Variants in LY9 observed in about 807,000 individuals in gnomAD.
LY9 encodes T-lymphocyte surface antigen Ly-9.
A neutral mutation model predicts 64.6 loss-of-function variants in LY9; 59 were observed. That is an observed-to-expected ratio of 0.91 (90% CI 0.74 to 1.13). The LOEUF is 1.13. Ranked by LOEUF, LY9 falls within the 50% of genes most tolerant of loss-of-function variation. LY9 has a pLI of 0.00. For synonymous variants in LY9, 281 were observed against 308.5 expected (o/e 0.91, Z 0.93); for missense variants, 789 against 797.2 (o/e 0.99, Z 0.12).
At chr1:160,807,977 C>T (rs1011234624) in intron 2 of LY9, among the ~76,000 whole-genome samples, 2 of 152,144 alleles carry the variant, frequency 1.3e-5, no homozygotes, top group Non-Finnish European at 2.9e-5. Context: ...AGGCAGAGTG[C>T]TCAGGTGAGG....
chr1:160,816,779 G>A lies in LY9; in HGVS notation c.1258G>A (p.Glu420Lys), dbSNP rs1282267102. Residue 420 changes from glutamate (E) to lysine (K), a missense_variant, in exon 5 of 10, where the codon GAA becomes AAA. By Grantham distance (56) the Glu-to-Lys change is moderately conservative (BLOSUM62 1). Coordinates refer to ENST00000263285, the MANE Select transcript of LY9 (RefSeq NM_002348.4). ...CCTCAATGTCTCATGGAGAAGCAGT[G>A]AAAATCACCCCAACCTCACATGCAC... ...SHLNVSWRSS[E>K]NHPNLTCTAS... is the part of the protein sequence containing the mutation. 1.2e-6 allele frequency: 2 copies of A among 1,614,096 alleles called. No homozygotes were observed. The highest frequency in any genetic ancestry group is 1.3e-5 in the African/African-American group (1 of 74,940).
rs761355054 is a variant in LY9 at position 160,823,684 on chromosome 1, A to T, written c.1718A>T (p.His573Leu). 1.2e-6 allele frequency: 2 copies of T among 1,614,028 alleles called. No individual in the cohort carries two copies. The highest frequency in any genetic ancestry group is 3.3e-5 in the Admixed American group (2 of 60,024). Residue 573 changes from histidine (H) to leucine (L), a missense_variant, in exon 8 of 10, where the codon CAT (histidine) becomes CTT (leucine). By Grantham distance (99) the His-to-Leu change is moderately conservative. Transcript: ENST00000263285. The stretch of plus-strand genomic sequence containing the variant: ...CAGGTCACTCAGGAGGGCGCTGGAC[A>T]TGACCCAGCCCCTGAGGGCCAAGCA... ...FDQVTQEGAG[H>L]DPAPEGQADY...
At chr1:160,804,756 A>G (rs2101757777) in intron 2 of LY9, among the ~76,000 whole-genome samples, 1 of 151,984 alleles carries the variant, frequency 6.6e-6, no homozygotes. Flanking sequence ...TTACAGATTA[A>G]TTTCACTACT....
At chr1:160,797,048 A>G in intron 1 of LY9, 1 of 931,764 alleles carries the variant, frequency 1.1e-6, no homozygotes, top group South Asian at 4.9e-5. Context: ...TTAGGTGACC[A>G]TGGGCAAGGT....
Position 160,816,666 on chromosome 1 carries a change from C to T in LY9, c.1145C>T (p.Thr382Ile). Reference protein sequence around the residue: ...SEDGICRISLTCSVEDGGNTV... With the variant: ...SEDGICRISLICSVEDGGNTV... ...GATGGCATCTGCAGGATCAGCCTGA[C>T]CTGCTCCGTGGAGGACGGGGGAAAC... The change falls in exon 5 of 10, where the codon ACC becomes ATC. Residue 382 changes from threonine to isoleucine, a missense_variant. Physicochemically the swap from Thr to Ile is moderately conservative, Grantham distance 89 (BLOSUM62 -1). Transcript: ENST00000263285. 1 of 1,614,138 alleles carries T rather than the reference C, an allele frequency of 6.2e-7. No individual in the cohort carries two copies. The highest frequency in any genetic ancestry group is 8.5e-7 in the Non-Finnish European group (1 of 1,180,010).
At chr1:160,802,089 G>T in intron 2 of LY9, 1 of 1,382,918 alleles carries the variant, frequency 7.2e-7, no homozygotes, top group Non-Finnish European at 9.3e-7. Flanking sequence ...GCCTCCCATG[G>T]CACGTCGGGA....
At chr1:160,808,611 C>T (rs1667202082) in intron 2 of LY9, among the ~76,000 whole-genome samples, 1 of 152,172 alleles carries the variant, frequency 6.6e-6, no homozygotes, top group Non-Finnish European at 1.5e-5. Flanking sequence ...GGAAATCACT[C>T]CCAGCTCCCA....
chr1:160,814,301 G>C lies in LY9; in HGVS notation c.731-119G>C. 3 of 760,756 alleles carry C rather than the reference G, an allele frequency of 3.9e-6. No homozygotes were observed. The South Asian group carries it at 5.2e-5, about 13-fold the overall frequency. 47.1% of individuals were successfully genotyped at this position (760,756 alleles called of 1,614,324 possible). ...GCAGGCATGCCCCTCAGAGGAGGAG[G>C]CCAGGAGAAAGAGGAAGAGGAGGAG... On this transcript the variant is annotated intron_variant, in intron 3 of 9. Coordinates refer to ENST00000263285, the MANE Select transcript of LY9 (RefSeq NM_002348.4).
Position 160,813,694 on chromosome 1 carries a change from C to T in LY9, c.513C>T (p.Ser171=), listed in dbSNP as rs1394494917. Residue 171 remains serine, a synonymous_variant, in exon 3 of 10, where the codon TCC becomes TCT. Coordinates refer to ENST00000263285, the MANE Select transcript of LY9 (RefSeq NM_002348.4). ...MKSVKVSENF[S]CNITLMCSVK... The stretch of plus-strand genomic sequence containing the variant: ...CTGTGAAGGTGTCTGAGAACTTCTC[C>T]TGTAACATCACTCTAATGTGCTCCG... 5 of 1,611,470 alleles carry T rather than the reference C, an allele frequency of 3.1e-6. No homozygotes were observed. The South Asian group carries it at 5.5e-5, about 18-fold the overall frequency.
At position 160,813,413 on chromosome 1, in the gene LY9, G is replaced by A. The variant is rs187370505; in HGVS notation, c.455-223G>A. On this transcript the variant is annotated intron_variant, in intron 2 of 9. Coordinates refer to ENST00000263285, the MANE Select transcript of LY9 (RefSeq NM_002348.4). ...GGTCGGGGAGAGAGAGAAGTAATCAGACTATTAGTCATGCTGAGTCATGGT... is the reference window on the plus strand; with the variant it reads ...GGTCGGGGAGAGAGAGAAGTAATCAAACTATTAGTCATGCTGAGTCATGGT... 846 of 583,658 alleles carry A rather than the reference G, an allele frequency of 1.4e-3. 6 individuals are homozygous for A. The highest frequency in any genetic ancestry group is 7.1e-4 in the Non-Finnish European group (233 of 328,422). 36.2% of individuals were successfully genotyped at this position (583,658 alleles called of 1,614,324 possible). A position where few individuals can be genotyped will look rare whatever the true frequency, so the allele number is the denominator to read the frequency against.
rs367647330 is a variant in LY9, at chr1:160,819,651, C to T, written c.1498+277C>T. Among the ~76,000 whole-genome samples the T allele has an allele frequency of 3.3e-4, 50 of 151,572 alleles. 1 individual carries two copies. The East Asian group carries it at 9.5e-3, about 29-fold the overall frequency. ...CTAAAAATAGAAAAAATTATCTGGGCATGGTGGTGCACGCCTGTAATCCCA... is the reference window on the plus strand; with the variant it reads ...CTAAAAATAGAAAAAATTATCTGGGTATGGTGGTGCACGCCTGTAATCCCA... On this transcript the variant is annotated intron_variant, in intron 7 of 9. Transcript: ENST00000263285.
chr1:160,807,351 G>T (rs552001614), intron 2 of LY9, among the ~76,000 whole-genome samples: 2 of 152,302 alleles, frequency 1.3e-5, no homozygotes, highest in East Asian at 3.9e-4. Flanking sequence ...TGGTATCTGT[G>T]ATTTCCTCAG....
chr1:160,820,658 C>T (rs1166428653), intron 7 of LY9, among the ~76,000 whole-genome samples: 1 of 152,058 alleles, frequency 6.6e-6, no homozygotes, highest in East Asian at 1.9e-4. Flanking sequence ...CCTGAACCCT[C>T]CTTCCTTGGG....
At position 160,797,288 on chromosome 1, in the gene LY9, A is replaced by G. The variant is rs1472035322; in HGVS notation, c.124+977A>G. On this transcript the variant is annotated intron_variant, in intron 1 of 9. Transcript: ENST00000263285. ...GATGATGGTGCAGGTAGCACTAGAG[A>G]TCTGAGAGCAGTGGGGGTTGGCAGT... 3.0e-6 allele frequency: 3 copies of G among 985,292 alleles called. No individual in the cohort carries two copies. In the African/African-American group the frequency reaches 5.2e-5, roughly 17 times the overall value. The allele number at this position is 985,292 out of a possible 1,614,324, so 61.0% of individuals were successfully genotyped here.
At chr1:160,820,150 G>A (rs1668299561) in intron 7 of LY9, among the ~76,000 whole-genome samples, 1 of 152,112 alleles carries the variant, frequency 6.6e-6, no homozygotes, top group Non-Finnish European at 1.5e-5. Flanking sequence ...GAGAAACAAA[G>A]GCCAGATGGA....
At chr1:160,797,785 G>T (rs905680853) in intron 1 of LY9, among the ~76,000 whole-genome samples, 3 of 152,058 alleles carry the variant, frequency 2.0e-5, no homozygotes, top group African/African-American at 7.3e-5. Flanking sequence ...TTAGTGATGA[G>T]GGCCTCTATT....
chr1:160,801,921 C>T (rs1477421823), intron 2 of LY9: 2 of 1,611,776 alleles, frequency 1.2e-6, no homozygotes, highest in East Asian at 2.2e-5. Flanking sequence ...GGGCTAGGCC[C>T]TCGCCCCCAC....
intron 7 of LY9, among the ~76,000 whole-genome samples, chr1:160,822,120 T>TTTGTCC (rs973744975): frequency 1.3e-5 from 2 of 151,970 alleles, no homozygotes; most frequent in Non-Finnish European, 2.9e-5. Flanking sequence ...AAACTCAGGG[T>TTTGTCC]TTGTCCTCGC....
intron 2 of LY9, chr1:160,810,582 C>CG (rs1667396224): frequency 6.6e-6 from 1 of 152,158 alleles, no homozygotes; most frequent in Admixed American, 6.5e-5. Context: ...CAGAGGTACT[C>CG]GGGATTAGAA....
Sources: allele counts gnomAD v4.1 joint callset (sites outside exome capture counted in the v4.1 genomes callset), GRCh38; gene constraint gnomAD v4.1.1; transcripts MANE v1.5; gene names NCBI Gene and HGNC (gene_info 2026-07-23, HGNC 2026-07-21).